Variants in RANBP2 observed in about 807,000 individuals in gnomAD.
The protein encoded by RANBP2 is RAN binding protein 2.
Under a neutral mutation model 303.6 loss-of-function variants are expected in RANBP2, and 57 were observed. The ratio of observed to expected loss-of-function variants is 0.19; its 90% CI spans 0.15 to 0.23. The LOEUF is 0.23. RANBP2 is among the 10% of genes least tolerant of loss of function. The pLI is 1.00. For missense variants in RANBP2, 3,138 were observed against 3,780.8 expected, an observed-to-expected ratio of 0.83 and a Z score of 4.46; for synonymous variants, 1,167 against 1,301.5, an observed-to-expected ratio of 0.90 and a Z score of 2.23.
At chr2:108,825,668 T>C in the RANBP2 span, among the ~76,000 whole-genome samples, 1 of 152,220 alleles carries the variant, frequency 6.6e-6, no homozygotes, top group Non-Finnish European at 1.5e-5. Flanking sequence ...TAATCTATAA[T>C]ATAGATATAA....
chr2:109,646,491 CTAA>C, the RANBP2 span, among the ~76,000 whole-genome samples: 1 of 151,642 alleles, frequency 6.6e-6, no homozygotes, highest in Non-Finnish European at 1.5e-5. Flanking sequence ...TTGTAAACGG[CTAA>C]TAATTTTTTT....
the RANBP2 span, among the ~76,000 whole-genome samples, chr2:109,270,232 G>A: frequency 1.3e-5 from 2 of 152,196 alleles, no homozygotes; most frequent in Admixed American, 1.3e-4. Flanking sequence ...TGGGGGGTGA[G>A]GATGCTGGTT....
the RANBP2 span, among the ~76,000 whole-genome samples, chr2:109,429,060 C>T: frequency 5.3e-5 from 8 of 152,270 alleles, no homozygotes; most frequent in Middle Eastern, 3.4e-3. Context: ...GGGTAACAGG[C>T]GATGCCACTG....
At chr2:108,998,789 G>T in the RANBP2 span, among the ~76,000 whole-genome samples, 1 of 151,628 alleles carries the variant, frequency 6.6e-6, no homozygotes, top group African/African-American at 2.4e-5. Flanking sequence ...TTTTAAATAT[G>T]GCAACTTATC....
the RANBP2 span, among the ~76,000 whole-genome samples, chr2:109,290,440 G>C: frequency 6.6e-6 from 1 of 152,212 alleles, no homozygotes; most frequent in Non-Finnish European, 1.5e-5. Flanking sequence ...ATATATGCAT[G>C]CACCAGATTT....
chr2:109,349,180 C>T, the RANBP2 span, among the ~76,000 whole-genome samples: 1 of 152,122 alleles, frequency 6.6e-6, no homozygotes, highest in Non-Finnish European at 1.5e-5. Context: ...GTGGCACTCT[C>T]TGGAGGGCGG....
the RANBP2 span, among the ~76,000 whole-genome samples, chr2:108,861,988 A>T: frequency 1.3e-5 from 2 of 150,180 alleles, no homozygotes; most frequent in Non-Finnish European, 3.0e-5. Context: ...TTTAGTTTTC[A>T]TGTGTTTATA....
the RANBP2 span, among the ~76,000 whole-genome samples, chr2:109,043,535 A>G: frequency 6.6e-6 from 1 of 152,032 alleles, no homozygotes; most frequent in Admixed American, 6.5e-5. Flanking sequence ...GGGTTTTACT[A>G]TGTTGGCCAG....
chr2:108,735,480 T>C, intron 4 of RANBP2, 52 bp from the exon 5 acceptor site: 1 of 1,597,272 alleles, frequency 6.3e-7, no homozygotes, highest in South Asian at 1.1e-5. Context: ...ATGACTTGTT[T>C]AAAATTGCAC....
chr2:109,568,131 G>C, the RANBP2 span, among the ~76,000 whole-genome samples: 1 of 151,894 alleles, frequency 6.6e-6, no homozygotes, highest in Non-Finnish European at 1.5e-5. Flanking sequence ...TGTTGATCTT[G>C]ATACATAAAG....
At chr2:109,647,057 C>T in the RANBP2 span, among the ~76,000 whole-genome samples, 1 of 151,242 alleles carries the variant, frequency 6.6e-6, no homozygotes, top group African/African-American at 2.4e-5. Flanking sequence ...TTCCCTTTGT[C>T]TGATCCACAG....
chr2:109,025,446 T>C, the RANBP2 span, among the ~76,000 whole-genome samples: 1 of 152,224 alleles, frequency 6.6e-6, no homozygotes, highest in African/African-American at 2.4e-5. Context: ...AGTAAAGATA[T>C]GATTTATAAC....
the RANBP2 span, among the ~76,000 whole-genome samples, chr2:109,625,964 GA>G: frequency 7.2e-5 from 11 of 152,118 alleles, no homozygotes; most frequent in African/African-American, 1.9e-4. Flanking sequence ...CTTTCTTTAA[GA>G]AAAAAATTAG....
chr2:109,014,871 C>T, the RANBP2 span, among the ~76,000 whole-genome samples: 2 of 152,122 alleles, frequency 1.3e-5, no homozygotes, highest in African/African-American at 4.8e-5. Context: ...CCTGTAATCC[C>T]AGCACTTTGG....
the RANBP2 span, among the ~76,000 whole-genome samples, chr2:109,107,098 C>T: frequency 4.6e-5 from 7 of 151,954 alleles, no homozygotes; most frequent in East Asian, 3.9e-4. Context: ...CCACCGTGCC[C>T]GGCTAGTTTT....
chr2:109,088,915 G>C, the RANBP2 span, among the ~76,000 whole-genome samples: 1 of 152,202 alleles, frequency 6.6e-6, no homozygotes, highest in Non-Finnish European at 1.5e-5. Context: ...ATAATAAAAG[G>C]GAGGGAGAGT....
the RANBP2 span, chr2:109,313,503 G>A: frequency 1.3e-5 from 2 of 154,828 alleles, no homozygotes; most frequent in African/African-American, 2.4e-5. Flanking sequence ...TGCTGGGTGA[G>A]CGCTGTACCA....
chr2:109,090,308 CCTCACACACA>C, the RANBP2 span, among the ~76,000 whole-genome samples: 24 of 132,832 alleles, frequency 1.8e-4, no homozygotes, highest in East Asian at 6.5e-4. Flanking sequence ...GGACACCTCG[CCTCACACACA>C]CACACACACA....
the RANBP2 span, among the ~76,000 whole-genome samples, chr2:109,492,756 T>C: frequency 6.6e-6 from 1 of 152,086 alleles, no homozygotes; most frequent in African/African-American, 2.4e-5. Flanking sequence ...GCTACCTCTC[T>C]GTAGGGTGCG....
Sources: gnomAD v4.1 joint callset for allele counts (sites outside exome capture counted in the v4.1 genomes callset) on GRCh38, gnomAD v4.1.1 for gene constraint, MANE v1.5 for transcripts, NCBI Gene and HGNC (gene_info 2026-07-23, HGNC 2026-07-21) for gene names.